The following PTPRZ1 variants were observed in gnomAD, a reference collection of about 807,000 sequenced individuals.
PTPRZ1 encodes protein tyrosine phosphatase receptor type Z1, also known as receptor-type tyrosine-protein phosphatase zeta.
In PTPRZ1, 82 loss-of-function variants were observed where a neutral mutation model predicts 214.1. The observed-to-expected ratio is 0.38, with a 90% CI of 0.32 to 0.46. PTPRZ1 has a LOEUF of 0.46. Among genes scored for constraint, PTPRZ1 ranks in the 20% least tolerant of loss-of-function variants. The probability of loss-of-function intolerance (pLI) is 1.00; values close to 1 mark genes in which losing one functional copy is unlikely to be tolerated. For synonymous variants in PTPRZ1, 945 were observed against 987.9 expected (o/e 0.96, Z 0.81); for missense variants, 2,603 against 2,748.7 (o/e 0.95, Z 1.19).
At position 122,034,076 on chromosome 7, in the gene PTPRZ1, G is replaced by C. The variant is rs202164862; in HGVS notation, c.5167-19G>C. ...GGAATTTGATTTCTTTACTTTTTTG[G>C]CATTCATTCCCTCATTAGACACTGA... On this transcript the variant is annotated intron_variant, in intron 15 of 29. Transcript: ENST00000393386. The C allele has an allele frequency of 3.2e-6, 5 of 1,578,638 alleles. No individual in the cohort carries two copies. Among genetic ancestry groups the C allele is most frequent in the Non-Finnish European group, 4.3e-6 (5 of 1,150,754 alleles).
chr7:121,883,561 T>C (rs1414115778), intron 1 of PTPRZ1, among the ~76,000 whole-genome samples: 1 of 152,192 alleles, frequency 6.6e-6, no homozygotes. Context: ...ATAAAAATAG[T>C]GTAATGGAAA....
intron 27 of PTPRZ1, among the ~76,000 whole-genome samples, chr7:122,055,458 C>T (rs552136291): frequency 1.3e-5 from 2 of 149,860 alleles, no homozygotes; most frequent in South Asian, 4.2e-4. Context: ...ATACTACCTA[C>T]CTAAACTCTC....
intron 3 of PTPRZ1, among the ~76,000 whole-genome samples, chr7:121,969,069 C>T (rs937632051): frequency 4.0e-5 from 6 of 151,876 alleles, no homozygotes; most frequent in African/African-American, 9.7e-5. Context: ...AAAAACCCAT[C>T]TCTACTAAAA....
chr7:122,005,338 C>A (rs1052973669), intron 11 of PTPRZ1, among the ~76,000 whole-genome samples: 34 of 151,812 alleles, frequency 2.2e-4, no homozygotes, highest in South Asian at 2.1e-4. Flanking sequence ...TTCATCATAA[C>A]TGAAATTATA....
chr7:122,020,100 G>A (rs1013836115), intron 13 of PTPRZ1, among the ~76,000 whole-genome samples: 1 of 151,952 alleles, frequency 6.6e-6, no homozygotes, highest in Non-Finnish European at 1.5e-5. Flanking sequence ...TAATTTTTTT[G>A]TTTAGCAACA....
At chr7:121,981,646 A>G (rs533991292) in intron 6 of PTPRZ1, among the ~76,000 whole-genome samples, 2 of 152,316 alleles carry the variant, frequency 1.3e-5, no homozygotes, top group African/African-American at 4.8e-5. Flanking sequence ...AAGGAGACAG[A>G]TATATTTGGA....
At chr7:122,050,888 G>A (rs947033550) in intron 23 of PTPRZ1, among the ~76,000 whole-genome samples, 5 of 152,008 alleles carry the variant, frequency 3.3e-5, no homozygotes, top group East Asian at 1.9e-4. Context: ...TATGGAAACC[G>A]TCACACATGT....
intron 18 of PTPRZ1, 90 bp downstream of exon 18, chr7:122,036,772 C>T (rs1799555833): frequency 1.3e-6 from 1 of 783,764 alleles, no homozygotes; most frequent in Non-Finnish European, 2.1e-6. Flanking sequence ...TATACTAGTG[C>T]TTAATGTCAT....
intron 2 of PTPRZ1, among the ~76,000 whole-genome samples, chr7:121,950,060 G>A (rs1458580254): frequency 6.6e-6 from 1 of 152,212 alleles, no homozygotes; most frequent in Non-Finnish European, 1.5e-5. Flanking sequence ...TGGACTTACA[G>A]TTCCACATGG....
intron 2 of PTPRZ1, among the ~76,000 whole-genome samples, chr7:121,958,095 T>C (rs779207944): frequency 2.6e-5 from 4 of 152,264 alleles, no homozygotes; most frequent in Non-Finnish European, 5.9e-5. Flanking sequence ...CGTCTGTCTC[T>C]GTGTGCCACC....
At chr7:122,023,829 T>A (rs1392149935) in intron 13 of PTPRZ1, among the ~76,000 whole-genome samples, 1 of 103,966 alleles carries the variant, frequency 9.6e-6, no homozygotes, top group Non-Finnish European at 1.8e-5. Flanking sequence ...ATGTATAATT[T>A]TATATATAAT....
At chr7:121,935,282 T>A (rs1368261673) in intron 2 of PTPRZ1, among the ~76,000 whole-genome samples, 2 of 152,114 alleles carry the variant, frequency 1.3e-5, no homozygotes, top group East Asian at 3.9e-4. Context: ...AAAGTTAAAA[T>A]TGCATAGATT....
intron 1 of PTPRZ1, among the ~76,000 whole-genome samples, chr7:121,922,136 T>C (rs1190039181): frequency 6.6e-6 from 1 of 152,206 alleles, no homozygotes; most frequent in East Asian, 1.9e-4. Context: ...ATCAAGGTTT[T>C]GGGTTAGATC....
intron 2 of PTPRZ1, among the ~76,000 whole-genome samples, chr7:121,933,361 T>C (rs1328022217): frequency 6.6e-5 from 10 of 152,114 alleles, no homozygotes; most frequent in Non-Finnish European, 1.5e-4. Context: ...ATATAATCTT[T>C]ATTTTCTGGA....
chr7:122,013,942 A>G (rs1584743561), intron 12 of PTPRZ1, 53 bp downstream of exon 12: 1 of 1,394,874 alleles, frequency 7.2e-7, no homozygotes, highest in East Asian at 2.4e-5. Flanking sequence ...GCTTGCTCTA[A>G]AAGTAAAATG....
rs541337422 is a variant in PTPRZ1 at position 121,873,680 on chromosome 7, CCAACTGG to C, written c.58+124_58+130del. On this transcript the variant is annotated intron_variant, in intron 1 of 29. Transcript: ENST00000393386. The stretch of plus-strand genomic sequence containing the variant: ...TCTAGCCAGGAGGAAAAAGGGACAG[CCAACTGG>C]GCTCCCACGGAGCGGGCGGCCGCGC... 5.0e-5 allele frequency: 61 copies of C among 1,209,366 alleles called. No homozygotes were observed. In the African/African-American group the frequency reaches 7.9e-4, roughly 16 times the overall value. 74.9% of individuals were successfully genotyped at this position (1,209,366 alleles called of 1,614,324 possible).
At chr7:122,059,324 C>G (rs1792486346) in intron 28 of PTPRZ1, 1 of 164,718 alleles carries the variant, frequency 6.1e-6, no homozygotes, top group African/African-American at 2.4e-5. Context: ...AAGAAACCAT[C>G]CAATAAATCT....
chr7:121,972,055 C>T (rs1160904179), intron 3 of PTPRZ1, among the ~76,000 whole-genome samples: 1 of 152,114 alleles, frequency 6.6e-6, no homozygotes, highest in Admixed American at 6.5e-5. Flanking sequence ...GGTTCTGGAC[C>T]TTGCTAATGA....
At chr7:122,021,004 A>G (rs1310224557) in intron 13 of PTPRZ1, among the ~76,000 whole-genome samples, 1 of 152,160 alleles carries the variant, frequency 6.6e-6, no homozygotes, top group Non-Finnish European at 1.5e-5. Context: ...GTTTCTATCT[A>G]ATCTGATTTT....
Sources: allele counts gnomAD v4.1 joint callset (sites outside exome capture counted in the v4.1 genomes callset), GRCh38; gene constraint gnomAD v4.1.1; transcripts MANE v1.5; gene names NCBI Gene and HGNC (gene_info 2026-07-23, HGNC 2026-07-21).